Variants in PCDHA5 observed in about 807,000 individuals in gnomAD.
PCDHA5 encodes protocadherin alpha-5.
A neutral mutation model predicts 61.6 loss-of-function variants in PCDHA5; 43 were observed. The ratio of observed to expected loss-of-function variants is 0.70; its 90% confidence interval spans 0.55 to 0.90. PCDHA5 has a LOEUF of 0.90. Ranked by LOEUF, PCDHA5 falls within the 40% of genes least tolerant of loss-of-function variation. The probability of loss-of-function intolerance (pLI) is 0.00; values close to 1 mark genes in which losing one functional copy is unlikely to be tolerated. For missense variants in PCDHA5, 1,298 were observed against 1,222.7 expected (o/e 1.06, Z -0.92); for synonymous variants, 627 against 543.9 (o/e 1.15, Z -2.13).
chr5:140,978,656 G>A (rs2096815434), intron 1 of PCDHA5, among the ~76,000 whole-genome samples: 1 of 152,248 alleles, frequency 6.6e-6, no homozygotes, highest in African/African-American at 2.4e-5. Flanking sequence ...TCTTCCCGTA[G>A]TGTTTTAAGA....
intron 1 of PCDHA5, among the ~76,000 whole-genome samples, chr5:140,925,696 A>G (rs2153579068): frequency 6.6e-6 from 1 of 150,926 alleles, no homozygotes; most frequent in African/African-American, 2.4e-5. Context: ...GTGGGTATCT[A>G]GCCTATTCTT....
intron 1 of PCDHA5, among the ~76,000 whole-genome samples, chr5:140,878,496 C>G (rs562678244): frequency 7.2e-5 from 11 of 152,174 alleles, no homozygotes; most frequent in Non-Finnish European, 1.6e-4. Flanking sequence ...ATTTAACCAT[C>G]TGTACGATAC....
At chr5:140,966,736 T>A in intron 1 of PCDHA5, 1 of 1,418,140 alleles carries the variant, frequency 7.1e-7, no homozygotes, top group Non-Finnish European at 9.2e-7. Context: ...CCTCCGGCCC[T>A]GCCCGGCTGC....
intron 1 of PCDHA5, among the ~76,000 whole-genome samples, chr5:140,963,604 T>A (rs1379826259): frequency 6.6e-6 from 1 of 152,234 alleles, no homozygotes; most frequent in Non-Finnish European, 1.5e-5. Flanking sequence ...CTAGACGTAA[T>A]TGGGAAAGCT....
At chr5:140,863,326 G>A (rs782427157) in intron 1 of PCDHA5, 10 of 1,432,588 alleles carry the variant, frequency 7.0e-6, no homozygotes, top group Non-Finnish European at 9.5e-6. Flanking sequence ...CAGCCTGTTA[G>A]TGCTCACGTT....
intron 1 of PCDHA5, among the ~76,000 whole-genome samples, chr5:140,900,021 T>A (rs1423634160): frequency 1.3e-5 from 2 of 152,092 alleles, no homozygotes; most frequent in Non-Finnish European, 2.9e-5. Context: ...TGTTACCCAG[T>A]TTGGCCTTGA....
rs367885958 is a variant in PCDHA5, at chr5:140,884,427, C to G, written c.2352+60300C>G. The G allele has an allele frequency of 2.5e-5, 40 of 1,613,840 alleles. No individual in the cohort carries two copies. The African/African-American group carries it at 5.1e-4, about 20-fold the overall frequency. ...GTGCTCACGTTGCTGCTGTATACTG[C>G]GCTGCGGTGCTCGGCACCGCCCACC... is the stretch of plus-strand genomic sequence containing the variant. On this transcript the variant is annotated intron_variant, in intron 1 of 3. Coordinates refer to ENST00000529859, the MANE Select transcript of PCDHA5 (RefSeq NM_018908.3).
At chr5:140,968,624 C>CT in intron 1 of PCDHA5, 3 of 1,614,176 alleles carry the variant, frequency 1.9e-6, no homozygotes, top group East Asian at 2.2e-5. Context: ...AAATGCTTGG[C>CT]TTTTTTACCA....
At chr5:140,825,684 A>AGT in intron 1 of PCDHA5, 1 of 152,240 alleles carries the variant, frequency 6.6e-6, no homozygotes, top group Non-Finnish European at 1.5e-5. Flanking sequence ...GGCCTCCCAA[A>AGT]GTGCTGGGAT....
intron 1 of PCDHA5, chr5:140,842,497 T>A: frequency 6.2e-7 from 1 of 1,613,888 alleles, no homozygotes; most frequent in East Asian, 2.2e-5. Context: ...TGATGCCCCA[T>A]GTCCCCTTCA....
At chr5:140,941,239 C>CTTTCTTTCTTTCT in intron 1 of PCDHA5, among the ~76,000 whole-genome samples, 1 of 134,600 alleles carries the variant, frequency 7.4e-6, no homozygotes, top group South Asian at 2.4e-4. Flanking sequence ...TTCTTTCTTT[C>CTTTCTTTCTTTCT]TTTCTTTCTT....
At chr5:140,852,307 G>A (rs2042297271) in intron 1 of PCDHA5, 5 of 377,800 alleles carry the variant, frequency 1.3e-5, no homozygotes, top group African/African-American at 2.2e-5. Context: ...AGACGGAGTC[G>A]TTTTCTGCCA....
chr5:141,009,908 A>T lies in PCDHA5; in HGVS notation c.2782A>T (p.Asn928Tyr). ...NKTQEKKEKGNSTTDNSDQ is the reference protein window; with the variant it reads ...NKTQEKKEKGYSTTDNSDQ ...GACCCAGGAGAAAAAAGAGAAAGGG[A>T]ACAGCACGACTGACAACAGTGACCA... Residue 928 changes from asparagine to tyrosine, a missense_variant, in exon 4 of 4, where the codon AAC (asparagine) becomes TAC (tyrosine). Physicochemically the swap from Asn to Tyr is moderately radical, Grantham distance 143 (BLOSUM62 -2). Transcript: ENST00000529859. 1 of 1,612,966 alleles carries T rather than the reference A, an allele frequency of 6.2e-7. No individual in the cohort carries two copies. The highest frequency in any genetic ancestry group is 1.1e-5 in the South Asian group (1 of 90,886).
Position 141,010,319 on chromosome 5 carries a change from C to G in PCDHA5, c.*382C>G. The G allele has an allele frequency of 6.5e-7, 1 of 1,545,436 alleles. No individual in the cohort carries two copies. Among genetic ancestry groups the G allele is most frequent in the South Asian group, 1.2e-5 (1 of 83,248 alleles). On this transcript the variant is annotated 3_prime_UTR_variant, in exon 4 of 4. Coordinates refer to ENST00000529859, the MANE Select transcript of PCDHA5 (RefSeq NM_018908.3). ...CAGGCTGAAAAGTTTTGAGATTGAG[C>G]AGCTTGGGAGTTTGTGGCCACTGGG...
Position 140,843,376 on chromosome 5 carries a change from C to A in PCDHA5, c.2352+19249C>A, listed in dbSNP as rs1554140003. The stretch of plus-strand genomic sequence containing the variant: ...AAGCGTCATCGAGGCAGTCGGCTGG[C>A]GTTTTGGGTCCGGAAGCGGCGCTGG... On this transcript the variant is annotated intron_variant, in intron 1 of 3. Transcript: ENST00000529859. The A allele has an allele frequency of 5.0e-6, 8 of 1,595,956 alleles. 1 individual carries two copies. Among genetic ancestry groups the A allele is most frequent in the Middle Eastern group, 3.3e-4 (2 of 6,012 alleles).
At chr5:140,857,799 T>A (rs1554150681) in intron 1 of PCDHA5, 1 of 1,597,340 alleles carries the variant, frequency 6.3e-7, no homozygotes, top group Non-Finnish European at 8.6e-7. Flanking sequence ...CTGCGGTCGG[T>A]GGTTGCGGGT....
chr5:140,988,751 T>C (rs1433769306), intron 3 of PCDHA5, among the ~76,000 whole-genome samples: 2 of 152,198 alleles, frequency 1.3e-5, no homozygotes, highest in Non-Finnish European at 2.9e-5. Flanking sequence ...ATTGGTGGCC[T>C]GGGCAGAATA....
chr5:140,969,385 C>T, intron 1 of PCDHA5: 1 of 1,598,120 alleles, frequency 6.3e-7, no homozygotes, highest in Non-Finnish European at 8.5e-7. Flanking sequence ...TTACACATCC[C>T]CCAATATCCT....
intron 1 of PCDHA5, chr5:140,870,635 C>T (rs1365729454): frequency 1.9e-6 from 3 of 1,612,850 alleles, no homozygotes; most frequent in Non-Finnish European, 2.5e-6. Flanking sequence ...TCGGTGCACG[C>T]GGAGAGCGGC....
Sources: gnomAD v4.1 joint callset for allele counts (sites outside exome capture counted in the v4.1 genomes callset) on GRCh38, gnomAD v4.1.1 for gene constraint, MANE v1.5 for transcripts, NCBI Gene and HGNC (gene_info 2026-07-23, HGNC 2026-07-21) for gene names.